The following ZNF670 variants were observed in gnomAD, a reference collection of about 807,000 sequenced individuals.
ZNF670 encodes the protein zinc finger protein 670.
A neutral mutation model predicts 10.9 loss-of-function variants in ZNF670; 7 were observed. The ratio of observed to expected loss-of-function variants is 0.64; its 90% CI spans 0.36 to 1.20. The LOEUF (loss-of-function observed/expected upper bound fraction) is 1.20. ZNF670 is among the 50% of genes most tolerant of loss of function. The probability of loss-of-function intolerance (pLI) is 0.02; values close to 1 mark genes in which losing one functional copy is unlikely to be tolerated. For missense variants in ZNF670, 446 were observed against 458.6 expected (o/e 0.97, Z 0.25); for synonymous variants, 136 against 152.7 (o/e 0.89, Z 0.81).
chr1:247,075,829 A>G (rs1485695652), intron 1 of ZNF670, among the ~76,000 whole-genome samples: 2 of 152,184 alleles, frequency 1.3e-5, no homozygotes, highest in African/African-American at 4.8e-5. Context: ...TTCCCAAAGC[A>G]AAGTCCTAGA....
intron 1 of ZNF670, among the ~76,000 whole-genome samples, chr1:247,057,832 G>A (rs1670756007): frequency 6.6e-6 from 1 of 152,130 alleles, no homozygotes; most frequent in African/African-American, 2.4e-5. Context: ...TTACCAAAGG[G>A]TGGGAACAAT....
In ZNF670 at chr1:247,036,901, C is replaced by CACACACACACACA. The variant is rs1230298359; in HGVS notation, c.*547_*548insTGTGTGTGTGTGT. ...ACACACACACACACACACACACACA[C>CACACACACACACA]ACATGAACTCATTTTTCATTGGTCC... On this transcript the variant is annotated 3_prime_UTR_variant, in exon 4 of 4. Coordinates refer to ENST00000366503, the MANE Select transcript of ZNF670 (RefSeq NM_033213.5). The CACACACACACACA allele has an allele frequency of 6.5e-6, 1 of 153,152 alleles. No homozygotes were observed. The highest frequency in any genetic ancestry group is 1.5e-5 in the Non-Finnish European group (1 of 68,952). 9.5% of individuals were successfully genotyped at this position (153,152 alleles called of 1,614,324 possible). A position where few individuals can be genotyped will look rare whatever the true frequency, so the allele number is the denominator to read the frequency against.
At chr1:247,067,572 G>A (rs1046913578) in intron 1 of ZNF670, among the ~76,000 whole-genome samples, 5 of 150,644 alleles carry the variant, frequency 3.3e-5, no homozygotes, top group Admixed American at 2.0e-4. Context: ...GCCGGGCGCG[G>A]TGGCTCACGC....
intron 1 of ZNF670, among the ~76,000 whole-genome samples, chr1:247,045,670 T>A (rs6426209): frequency 1.3e-5 from 2 of 151,920 alleles, no homozygotes; most frequent in Admixed American, 6.6e-5. Flanking sequence ...GAATAATACA[T>A]AAAATTGGCA....
At chr1:247,066,863 A>G (rs1451809052) in intron 1 of ZNF670, among the ~76,000 whole-genome samples, 1 of 152,188 alleles carries the variant, frequency 6.6e-6, no homozygotes, top group African/African-American at 2.4e-5. Context: ...CTTGTTACCC[A>G]GACATTCCTT....
In ZNF670 at chr1:247,037,713, A is replaced by G; in HGVS notation, c.906T>C (p.Thr302=). The G allele has an allele frequency of 6.2e-7, 1 of 1,614,036 alleles. No individual in the cohort carries two copies. The highest frequency in any genetic ancestry group is 8.5e-7 in the Non-Finnish European group (1 of 1,179,984). ...ATTCATAGGGCTTTTCTCCACTGTG[A>G]GTCCTTTCATGGACTCTGAGGACTC... ...CSRVLRVHER[T]HSGEKPYECK... is the part of the protein sequence containing the mutation. Residue 302 remains threonine (T), a synonymous_variant, in exon 4 of 4, where the codon ACT becomes ACC. Transcript: ENST00000366503.
intron 1 of ZNF670, among the ~76,000 whole-genome samples, chr1:247,072,220 A>G (rs1236692583): frequency 6.6e-6 from 1 of 151,356 alleles, no homozygotes; most frequent in African/African-American, 2.4e-5. Flanking sequence ...GTGCAATTAC[A>G]GCTCACTGCA....
At chr1:247,069,829 T>C (rs1005144801) in intron 1 of ZNF670, among the ~76,000 whole-genome samples, 2 of 152,290 alleles carry the variant, frequency 1.3e-5, no homozygotes, top group Middle Eastern at 6.8e-3. Flanking sequence ...CAAAGGATGG[T>C]TACCAGAGGT....
At position 247,037,612 on chromosome 1, in the gene ZNF670, G is replaced by A. The variant is rs1670190226; in HGVS notation, c.1007C>T (p.Pro336Leu). The change falls in exon 4 of 4, where the codon CCT becomes CTT. Residue 336 changes from proline (P) to leucine (L), a missense_variant. Pro to Leu is a moderately conservative substitution (Grantham distance 98, BLOSUM62 -3). Coordinates refer to ENST00000366503, the MANE Select transcript of ZNF670 (RefSeq NM_033213.5). Reference protein sequence around the residue: ...EHERTHTGVKPYGCKECGKSF... With the variant: ...EHERTHTGVKLYGCKECGKSF... ...CTTACCACATTCCTTACATCCATAA[G>A]GTTTCACTCCAGTGTGAGTTCTTTC... The A allele has an allele frequency of 6.2e-7, 1 of 1,613,970 alleles. No individual in the cohort carries two copies. Among genetic ancestry groups the A allele is most frequent in the African/African-American group, 1.3e-5 (1 of 74,892 alleles).
chr1:247,051,233 G>A (rs145946938), intron 1 of ZNF670, among the ~76,000 whole-genome samples: 185 of 150,152 alleles, frequency 1.2e-3, no homozygotes, highest in African/African-American at 4.3e-3. Context: ...CAGCCTGGGC[G>A]ACAGAGCGAG....
chr1:247,058,739 T>C (rs970152624), intron 1 of ZNF670, among the ~76,000 whole-genome samples: 1 of 144,662 alleles, frequency 6.9e-6, no homozygotes, highest in African/African-American at 2.6e-5. Context: ...ACAGTGAACA[T>C]TATGAACAAC....
At chr1:247,071,295 A>G (rs1243845893) in intron 1 of ZNF670, among the ~76,000 whole-genome samples, 4 of 152,278 alleles carry the variant, frequency 2.6e-5, no homozygotes, top group African/African-American at 9.6e-5. Flanking sequence ...ACAGCCATAG[A>G]AAAAAGCAAA....
chr1:247,038,389 C>G lies in ZNF670; in HGVS notation c.230G>C (p.Gly77Ala), dbSNP rs1213277061. 6.2e-7 allele frequency: 1 copy of G among 1,612,662 alleles called. No individual in the cohort carries two copies. Among genetic ancestry groups the G allele is most frequent in the South Asian group, 1.1e-5 (1 of 91,026 alleles). The change falls in exon 4 of 4, where the codon GGC becomes GCC. Residue 77 changes from glycine (G) to alanine (A), a missense_variant. Gly to Ala is a moderately conservative substitution (Grantham distance 60). Coordinates refer to ENST00000366503, the MANE Select transcript of ZNF670 (RefSeq NM_033213.5). ...GCTGAAGGTTTCTCCATATTGACTG[C>G]CTTCTTTAATTTCAAACAGTCTCTC... is the stretch of plus-strand genomic sequence containing the variant. ...VVERLFEIKE[G>A]SQYGETFSQD...
chr1:247,072,601 A>G (rs1671144397), intron 1 of ZNF670, among the ~76,000 whole-genome samples: 2 of 151,408 alleles, frequency 1.3e-5, no homozygotes, highest in African/African-American at 4.8e-5. Context: ...CCTGGCCAAC[A>G]TGGCAAAACC....
At chr1:247,078,484 A>G (rs1671307632) in intron 1 of ZNF670, 110 bp downstream of exon 1, 5 of 1,413,356 alleles carry the variant, frequency 3.5e-6, no homozygotes, top group Admixed American at 2.0e-5. Context: ...TAAGGCCGCG[A>G]GGCGCCGGCG....
At chr1:247,075,978 C>T (rs1317744046) in intron 1 of ZNF670, among the ~76,000 whole-genome samples, 4 of 152,162 alleles carry the variant, frequency 2.6e-5, no homozygotes, top group African/African-American at 4.8e-5. Context: ...CCACCTCCTT[C>T]TTGTCTCTTT....
At chr1:247,066,386 C>T (rs1670980481) in intron 1 of ZNF670, among the ~76,000 whole-genome samples, 1 of 152,016 alleles carries the variant, frequency 6.6e-6, no homozygotes. Flanking sequence ...ATCCTACAGC[C>T]CCCATGGACA....
chr1:247,051,257 G>A lies in ZNF670; in HGVS notation c.4-11720C>T, dbSNP rs868142238. Among the ~76,000 whole-genome samples, 996 of 109,848 alleles carry A rather than the reference G, an allele frequency of 9.1e-3. 16 individuals are homozygous for A. Among genetic ancestry groups the A allele is most frequent in the African/African-American group, 0.034 (895 of 26,334 alleles). The allele number at this position is 109,848 out of a possible 152,430, so 72.1% of individuals were successfully genotyped here. ...CGACAGAGCGAGACTCCGTCTCCAA[G>A]AAAAAAAAAAACAAAAAAAAAACTC... On this transcript the variant is annotated intron_variant, in intron 1 of 3. Coordinates refer to ENST00000366503, the MANE Select transcript of ZNF670 (RefSeq NM_033213.5).
In ZNF670 at chr1:247,034,745, T is replaced by C. The variant is rs1670107091; in HGVS notation, c.*2704A>G. 6.6e-6 allele frequency among the ~76,000 whole-genome samples: 1 copy of C among 152,152 alleles called. No individual in the cohort carries two copies. Among genetic ancestry groups the C allele is most frequent in the Non-Finnish European group, 1.5e-5 (1 of 68,030 alleles). On this transcript the variant is annotated 3_prime_UTR_variant, in exon 4 of 4. Coordinates refer to ENST00000366503, the MANE Select transcript of ZNF670 (RefSeq NM_033213.5). ...CACACACACAAAATCCCTGGAGCTG[T>C]CCCAAGTGTGTACAGTAATAACGTT...
Sources: allele counts gnomAD v4.1 joint callset (sites outside exome capture counted in the v4.1 genomes callset), GRCh38; gene constraint gnomAD v4.1.1; transcripts MANE v1.5; gene names NCBI Gene and HGNC (gene_info 2026-07-23, HGNC 2026-07-21).